Variants in SLC22A9 observed in about 807,000 individuals in gnomAD.
SLC22A9 encodes the protein solute carrier family 22 member 9.
Under a neutral mutation model 50.1 loss-of-function variants are expected in SLC22A9, and 64 were observed. That is an observed-to-expected ratio of 1.28 (90% CI 1.04 to 1.57). SLC22A9 has a LOEUF of 1.57. Ranked by LOEUF, SLC22A9 falls within the 40% of genes most tolerant of loss-of-function variation. The pLI, the probability that SLC22A9 is intolerant of heterozygous loss-of-function variation, is 0.00. For synonymous variants in SLC22A9, 261 were observed against 242.5 expected, an observed-to-expected ratio of 1.08 and a Z score of -0.71; for missense variants, 757 against 676.1, an observed-to-expected ratio of 1.12 and a Z score of -1.33.
chr11:63,375,825 A>G (rs2014452205), intron 5 of SLC22A9, 57 bp downstream of exon 5: 10 of 1,591,580 alleles, frequency 6.3e-6, no homozygotes, highest in African/African-American at 1.3e-5. Flanking sequence ...TGTCATCAAT[A>G]CTTAGCAGTA....
At chr11:63,392,523 C>T (rs550967634) in intron 6 of SLC22A9, among the ~76,000 whole-genome samples, 8 of 151,882 alleles carry the variant, frequency 5.3e-5, no homozygotes, top group African/African-American at 1.7e-4. Context: ...TTTCCCCCTT[C>T]AGCTCTTAAA....
intron 5 of SLC22A9, among the ~76,000 whole-genome samples, chr11:63,377,278 A>G (rs2014478489): frequency 6.6e-6 from 1 of 152,080 alleles, no homozygotes; most frequent in Admixed American, 6.6e-5. Flanking sequence ...ACATGCTCTC[A>G]AATTGACCAC....
At position 63,406,522 on chromosome 11, in the gene SLC22A9, G is replaced by A; in HGVS notation, c.1099G>A (p.Gly367Ser). ...ATTTGCAAACTTTATGGCCTATTTT[G>A]GCCTTAATCTCCATGTCCAGCATCT... The part of the protein sequence containing the change: ...TRFANFMAYF[G>S]LNLHVQHLGN... Residue 367 changes from glycine to serine, a missense_variant, in exon 7 of 10, where the codon GGC (glycine) becomes AGC (serine). Gly to Ser is a moderately conservative substitution (Grantham distance 56, BLOSUM62 0). Coordinates refer to ENST00000279178, the MANE Select transcript of SLC22A9 (RefSeq NM_080866.3). The A allele has an allele frequency of 6.2e-7, 1 of 1,613,526 alleles. No homozygotes were observed. The highest frequency in any genetic ancestry group is 1.1e-5 in the South Asian group (1 of 91,048).
intron 6 of SLC22A9, among the ~76,000 whole-genome samples, chr11:63,382,962 G>C (rs1041523875): frequency 2.3e-4 from 35 of 152,260 alleles, no homozygotes; most frequent in African/African-American, 8.4e-4. Context: ...CCTGGCCTAT[G>C]ACCGCTCCCT....
At chr11:63,379,852 C>T (rs908764631) in intron 5 of SLC22A9, among the ~76,000 whole-genome samples, 1 of 152,166 alleles carries the variant, frequency 6.6e-6, no homozygotes, top group Non-Finnish European at 1.5e-5. Context: ...CTGCCTCAGC[C>T]TTCTGAAGAG....
intron 9 of SLC22A9, 87 bp from the exon 10 acceptor site, chr11:63,409,715 A>G (rs1346834798): frequency 7.4e-7 from 1 of 1,344,492 alleles, no homozygotes; most frequent in African/African-American, 1.5e-5. Context: ...AAGAATCAAC[A>G]TTCCTTAAAG....
At chr11:63,405,481 C>T (rs2015021428) in intron 6 of SLC22A9, among the ~76,000 whole-genome samples, 1 of 152,180 alleles carries the variant, frequency 6.6e-6, no homozygotes, top group Non-Finnish European at 1.5e-5. Flanking sequence ...GTAATAAAAA[C>T]TATTGACTCC....
chr11:63,408,091 T>C lies in SLC22A9; in HGVS notation c.1289-21T>C, dbSNP rs751385793. On this transcript the variant is annotated intron_variant, in intron 7 of 9. Transcript: ENST00000279178. ...CCTTCAGCTCAGATTTCCTGAGGCC[T>C]TGTGTTCTTCCTTTCTCCAGAAATG... 1.9e-6 allele frequency: 3 copies of C among 1,602,066 alleles called. No homozygotes were observed. The Admixed American group carries it at 5.0e-5, about 27-fold the overall frequency.
chr11:63,387,719 T>C (rs1012955543), intron 6 of SLC22A9, among the ~76,000 whole-genome samples: 2 of 152,198 alleles, frequency 1.3e-5, no homozygotes, highest in Non-Finnish European at 2.9e-5. Context: ...AGGGATTGTA[T>C]TGAATCGGTA....
chr11:63,389,722 G>A (rs1472664300), intron 6 of SLC22A9, among the ~76,000 whole-genome samples: 1 of 152,128 alleles, frequency 6.6e-6, no homozygotes, highest in Non-Finnish European at 1.5e-5. Flanking sequence ...GGGTCAAATG[G>A]TATTTCTGGT....
At chr11:63,400,094 A>G (rs949993539) in intron 6 of SLC22A9, among the ~76,000 whole-genome samples, 4 of 152,140 alleles carry the variant, frequency 2.6e-5, no homozygotes, top group South Asian at 2.1e-4. Context: ...AAAGACTTCA[A>G]ATAGCCTAGG....
At chr11:63,384,301 A>G (rs2014621926) in intron 6 of SLC22A9, among the ~76,000 whole-genome samples, 1 of 151,726 alleles carries the variant, frequency 6.6e-6, no homozygotes, top group South Asian at 2.1e-4. Context: ...CCTGCACCCA[A>G]CCCCCAACAG....
chr11:63,390,357 G>A (rs1301009614), intron 6 of SLC22A9, among the ~76,000 whole-genome samples: 1 of 152,106 alleles, frequency 6.6e-6, no homozygotes, highest in East Asian at 1.9e-4. Flanking sequence ...TTTGTATAAG[G>A]TGTAAGGAAG....
chr11:63,399,594 A>G (rs1179650462), intron 6 of SLC22A9, among the ~76,000 whole-genome samples: 3 of 152,214 alleles, frequency 2.0e-5, no homozygotes, highest in Non-Finnish European at 4.4e-5. Flanking sequence ...CAGTACAAAA[A>G]TAGTTGAGAA....
At chr11:63,374,169 C>T (rs989600036) in intron 4 of SLC22A9, 107 bp downstream of exon 4, 29 of 1,074,292 alleles carry the variant, frequency 2.7e-5, no homozygotes, top group Middle Eastern at 6.0e-4. Flanking sequence ...CCTGAGAGCA[C>T]GTCCTCTCAT....
chr11:63,409,330 A>C (rs631157), intron 9 of SLC22A9, among the ~76,000 whole-genome samples: 73,615 of 151,934 alleles, frequency 0.48, 22,165 homozygotes, highest in African/African-American at 0.82. Context: ...GTGGAAGAGT[A>C]TGCAGATGCA....
chr11:63,397,231 G>A (rs2014874866), intron 6 of SLC22A9, among the ~76,000 whole-genome samples: 1 of 152,166 alleles, frequency 6.6e-6, no homozygotes, highest in Non-Finnish European at 1.5e-5. Flanking sequence ...TGAAACAAAT[G>A]GGCATTTTGT....
At chr11:63,372,503 A>G (rs1444665433) in intron 2 of SLC22A9, among the ~76,000 whole-genome samples, 1 of 152,152 alleles carries the variant, frequency 6.6e-6, no homozygotes, top group East Asian at 1.9e-4. Context: ...TGTTCCACCA[A>G]TGTAAAAGTC....
At chr11:63,383,275 G>A (rs114211605) in intron 6 of SLC22A9, among the ~76,000 whole-genome samples, 206 of 152,256 alleles carry the variant, frequency 1.4e-3, no homozygotes, top group African/African-American at 4.8e-3. Flanking sequence ...TCCCACCCGG[G>A]ATGCCAATGG....
Sources: gnomAD v4.1 joint callset for allele counts (sites outside exome capture counted in the v4.1 genomes callset) on GRCh38, gnomAD v4.1.1 for gene constraint, MANE v1.5 for transcripts, NCBI Gene and HGNC (gene_info 2026-07-23, HGNC 2026-07-21) for gene names.